MAN2A1: variants seen among roughly 807,000 people sequenced by gnomAD.
MAN2A1 encodes the protein alpha-mannosidase 2.
A neutral mutation model predicts 142.6 loss-of-function variants in MAN2A1; 76 were observed. The ratio of observed to expected loss-of-function variants is 0.53; its 90% CI spans 0.44 to 0.65. The LOEUF (loss-of-function observed/expected upper bound fraction) is 0.65. MAN2A1 is among the 30% of genes least tolerant of loss of function. MAN2A1 has a pLI of 0.00. For synonymous variants in MAN2A1, 559 were observed against 473.2 expected (o/e 1.18, Z -2.35); for missense variants, 1,311 against 1,365.1 (o/e 0.96, Z 0.62).
At chr5:109,791,603 C>T (rs1459245284) in intron 12 of MAN2A1, among the ~76,000 whole-genome samples, 2 of 151,410 alleles carry the variant, frequency 1.3e-5, no homozygotes, top group East Asian at 3.9e-4. Flanking sequence ...CAAATTATCT[C>T]TCTAAATAAA....
chr5:109,792,107 C>T (rs907560435), intron 12 of MAN2A1, among the ~76,000 whole-genome samples: 1 of 152,046 alleles, frequency 6.6e-6, no homozygotes, highest in Non-Finnish European at 1.5e-5. Context: ...AACGCATTGC[C>T]ATTGGCTTGT....
At chr5:109,737,799 T>C (rs1021418821) in intron 4 of MAN2A1, among the ~76,000 whole-genome samples, 6 of 152,134 alleles carry the variant, frequency 3.9e-5, no homozygotes, top group African/African-American at 4.8e-5. Context: ...CATAAATATA[T>C]ATGTCAGTTT....
At chr5:109,825,705 C>G (rs1339357696) in intron 16 of MAN2A1, among the ~76,000 whole-genome samples, 2 of 151,912 alleles carry the variant, frequency 1.3e-5, no homozygotes, top group African/African-American at 2.4e-5. Context: ...TTTCCTTTCC[C>G]CCTCTCTTCC....
Position 109,792,098 on chromosome 5 carries a change from A to G in MAN2A1, c.1943+2571A>G, listed in dbSNP as rs966604447. Among the ~76,000 whole-genome samples, 65 of 152,022 alleles carry G rather than the reference A, an allele frequency of 4.3e-4. 2 individuals are homozygous for G. The highest frequency in any genetic ancestry group is 5.9e-5 in the Non-Finnish European group (4 of 67,976). Reference sequence around the variant, plus strand: ...ATATAAAAAGAAAAGCCCTCCCATAACGCATTGCCATTGGCTTGTTTAATG... The same window carrying G: ...ATATAAAAAGAAAAGCCCTCCCATAGCGCATTGCCATTGGCTTGTTTAATG... On this transcript the variant is annotated intron_variant, in intron 12 of 21. Transcript: ENST00000261483.
At chr5:109,786,802 A>G (rs1485974216) in intron 10 of MAN2A1, among the ~76,000 whole-genome samples, 1 of 152,042 alleles carries the variant, frequency 6.6e-6, no homozygotes, top group Non-Finnish European at 1.5e-5. Flanking sequence ...TTTATGAATT[A>G]GGGGTGCATT....
At chr5:109,769,002 G>A (rs10038829) in intron 6 of MAN2A1, among the ~76,000 whole-genome samples, 46,855 of 151,990 alleles carry the variant, frequency 0.31, 7,657 homozygotes, top group East Asian at 0.64. Context: ...GATAAAATAC[G>A]GATACAGCCA....
At chr5:109,735,252 G>T (rs4392673) in intron 4 of MAN2A1, among the ~76,000 whole-genome samples, 45,791 of 150,782 alleles carry the variant, frequency 0.3, 7,097 homozygotes, top group East Asian at 0.63. Flanking sequence ...CTTTTATTTT[G>T]AGCCTATGTG....
intron 4 of MAN2A1, among the ~76,000 whole-genome samples, chr5:109,737,532 A>G (rs1263061134): frequency 1.3e-5 from 2 of 151,698 alleles, no homozygotes; most frequent in Non-Finnish European, 2.9e-5. Flanking sequence ...TAGAATATAG[A>G]GTTTGGTATC....
chr5:109,818,067 G>T (rs1239109311), intron 13 of MAN2A1, among the ~76,000 whole-genome samples: 1 of 152,150 alleles, frequency 6.6e-6, no homozygotes, highest in Non-Finnish European at 1.5e-5. Flanking sequence ...GGCATTTCTG[G>T]AGATACAGCC....
Position 109,817,452 on chromosome 5 carries a change from A to G in MAN2A1, c.2109+14A>G, listed in dbSNP as rs1754496905. ...ACAGCCTATGAGGTATGTTGTAGCC[A>G]TAGAACTTAAGGAGGCATTGTAAAA... On this transcript the variant is annotated intron_variant, in intron 13 of 21. Transcript: ENST00000261483. 5.0e-6 allele frequency: 8 copies of G among 1,612,918 alleles called. No individual in the cohort carries two copies. The highest frequency in any genetic ancestry group is 1.7e-5 in the Admixed American group (1 of 59,952).
intron 10 of MAN2A1, among the ~76,000 whole-genome samples, chr5:109,785,985 T>C (rs1291824367): frequency 6.6e-6 from 1 of 152,158 alleles, no homozygotes; most frequent in Non-Finnish European, 1.5e-5. Context: ...TAAATGTTAA[T>C]TAAATTTTTA....
chr5:109,799,939 T>C (rs187581804), intron 12 of MAN2A1, among the ~76,000 whole-genome samples: 5 of 151,862 alleles, frequency 3.3e-5, no homozygotes, highest in Non-Finnish European at 7.4e-5. Flanking sequence ...AATACAAAAA[T>C]TAGCCGGGAG....
chr5:109,768,422 A>G (rs575455024), intron 6 of MAN2A1, among the ~76,000 whole-genome samples: 6 of 152,234 alleles, frequency 3.9e-5, no homozygotes, highest in East Asian at 1.9e-4. Context: ...TGGTGAAGCA[A>G]TGGAGGCTTA....
At chr5:109,762,537 A>T (rs1386523732) in intron 5 of MAN2A1, among the ~76,000 whole-genome samples, 1 of 152,112 alleles carries the variant, frequency 6.6e-6, no homozygotes, top group Non-Finnish European at 1.5e-5. Context: ...CTGTGGAGTC[A>T]GCATAGGCAA....
chr5:109,820,482 C>T (rs1193976584), intron 15 of MAN2A1, 140 bp downstream of exon 15: 5 of 821,222 alleles, frequency 6.1e-6, no homozygotes, highest in African/African-American at 5.2e-5. Flanking sequence ...TATTATCTAT[C>T]ACCTTATTGA....
At chr5:109,850,070 CTG>C (rs1233402405) in intron 19 of MAN2A1, among the ~76,000 whole-genome samples, 6 of 152,184 alleles carry the variant, frequency 3.9e-5, no homozygotes, top group Non-Finnish European at 8.8e-5. Context: ...TGCCTCCAAA[CTG>C]TGCATCTCAC....
intron 4 of MAN2A1, among the ~76,000 whole-genome samples, chr5:109,753,219 C>T (rs926525231): frequency 2.6e-5 from 4 of 152,108 alleles, no homozygotes; most frequent in East Asian, 1.9e-4. Context: ...TCTCAGGCTG[C>T]GAAGCATAAC....
Position 109,855,158 on chromosome 5 carries a change from G to C in MAN2A1, c.2995G>C (p.Val999Leu). The change falls in exon 20 of 22, where the codon GTC becomes CTC. Residue 999 changes from valine (V) to leucine (L), a missense_variant. This residue lies in a region of MAN2A1 where 890 missense variants were observed against 920.5 expected (regional missense o/e 0.97). Coordinates refer to ENST00000261483, the MANE Select transcript of MAN2A1 (RefSeq NM_002372.4). Reference sequence around the variant, plus strand: ...TTGATAGGAAGAAGAAAAGAAGTCGGTCAGTTATCCTTCTCTCCTTAGCCA... The same window carrying C: ...TTGATAGGAAGAAGAAAAGAAGTCGCTCAGTTATCCTTCTCTCCTTAGCCA... ...AVNTEEEKKSVSYPSLLSHIT... is the reference protein window; with the variant it reads ...AVNTEEEKKSLSYPSLLSHIT... The C allele has an allele frequency of 6.5e-7, 1 of 1,547,428 alleles. No homozygotes were observed. The highest frequency in any genetic ancestry group is 8.7e-7 in the Non-Finnish European group (1 of 1,154,648).
intron 3 of MAN2A1, among the ~76,000 whole-genome samples, chr5:109,716,652 T>C (rs1332129511): frequency 6.6e-6 from 1 of 152,238 alleles, no homozygotes; most frequent in East Asian, 1.9e-4. Context: ...AGTTTGAATC[T>C]TTAAAATAAA....
Sources: allele counts gnomAD v4.1 joint callset (sites outside exome capture counted in the v4.1 genomes callset), GRCh38; gene constraint gnomAD v4.1.1; regional missense constraint gnomAD v4.1.1; transcripts MANE v1.5; gene names NCBI Gene and HGNC (gene_info 2026-07-23, HGNC 2026-07-21).